Variants in LRRC4C observed in about 807,000 individuals in gnomAD.
LRRC4C encodes leucine-rich repeat-containing protein 4C.
Under a neutral mutation model 33.6 loss-of-function variants are expected in LRRC4C, and 5 were observed. The ratio of observed to expected loss-of-function variants is 0.15; its 90% CI spans 0.08 to 0.31. LRRC4C has a LOEUF of 0.31. Among genes scored for constraint, LRRC4C ranks in the 10% least tolerant of loss-of-function variants. LRRC4C has a pLI of 1.00. For missense variants in LRRC4C, 560 were observed against 796.7 expected (o/e 0.70, Z 3.58); for synonymous variants, 329 against 302.0 (o/e 1.09, Z -0.93).
chr11:40,339,338 A>T (rs1464960677), intron 3 of LRRC4C, among the ~76,000 whole-genome samples: 1 of 152,182 alleles, frequency 6.6e-6, no homozygotes, highest in Non-Finnish European at 1.5e-5. Context: ...GAATAAAAAA[A>T]CACCTCGAAC....
At chr11:40,659,845 C>A (rs745756970) in intron 2 of LRRC4C, among the ~76,000 whole-genome samples, 1 of 152,208 alleles carries the variant, frequency 6.6e-6, no homozygotes, top group Non-Finnish European at 1.5e-5. Context: ...ACCTTGCTCA[C>A]CCTCCAGTTG....
intron 1 of LRRC4C, among the ~76,000 whole-genome samples, chr11:41,125,959 G>A (rs1942716284): frequency 6.6e-6 from 1 of 151,838 alleles, no homozygotes; most frequent in Non-Finnish European, 1.5e-5. Context: ...CTATGTAATG[G>A]GCAGGTATAA....
rs541010546 is a variant in LRRC4C, at chr11:41,266,338, G to A, written c.-496+193093C>T. Among the ~76,000 whole-genome samples, 184 of 152,178 alleles carry A rather than the reference G, an allele frequency of 1.2e-3. 1 individual carries two copies. Among genetic ancestry groups the A allele is most frequent in the African/African-American group, 4.2e-3 (175 of 41,524 alleles). On this transcript the variant is annotated intron_variant, in intron 1 of 6. Transcript: ENST00000528697. ...CATTGCAAACCTTATCAAAACCTGC[G>A]AAATTTGAGAATAAGAAAAACACTT...
chr11:41,268,741 C>T (rs1448247345), intron 1 of LRRC4C, among the ~76,000 whole-genome samples: 1 of 151,634 alleles, frequency 6.6e-6, no homozygotes. Flanking sequence ...GTAGTTGATG[C>T]AATAGATGAT....
At position 41,357,594 on chromosome 11, in the gene LRRC4C, G is replaced by T. The variant is rs569654618; in HGVS notation, c.-496+101837C>A. 2.0e-5 allele frequency among the ~76,000 whole-genome samples: 3 copies of T among 152,024 alleles called. No individual in the cohort carries two copies. The South Asian group carries it at 6.3e-4, about 32-fold the overall frequency. ...TTTCTCTGTGGCCTACTTTCCTAAC[G>T]TCCTTGTTCTGGTGTTCCTTTTCCA... On this transcript the variant is annotated intron_variant, in intron 1 of 6. Transcript: ENST00000528697.
intron 3 of LRRC4C, among the ~76,000 whole-genome samples, chr11:40,483,882 A>G (rs1158071627): frequency 6.6e-6 from 1 of 151,912 alleles, no homozygotes; most frequent in Non-Finnish European, 1.5e-5. Flanking sequence ...ACTGATATTT[A>G]AAACAATAAT....
At chr11:40,301,881 C>T (rs1944790063) in intron 4 of LRRC4C, among the ~76,000 whole-genome samples, 1 of 152,150 alleles carries the variant, frequency 6.6e-6, no homozygotes, top group East Asian at 1.9e-4. Flanking sequence ...AAAAATGACT[C>T]TCTAAGGGTT....
At chr11:41,287,221 T>C (rs1949856009) in intron 1 of LRRC4C, among the ~76,000 whole-genome samples, 1 of 152,320 alleles carries the variant, frequency 6.6e-6, no homozygotes, top group African/African-American at 2.4e-5. Context: ...CTAAATAAGT[T>C]TGTCATGATC....
At chr11:40,696,252 G>T (rs1183708490) in intron 2 of LRRC4C, among the ~76,000 whole-genome samples, 1 of 116,760 alleles carries the variant, frequency 8.6e-6, no homozygotes, top group Non-Finnish European at 1.7e-5. Flanking sequence ...CTCTGGGGGT[G>T]AGGTATTATC....
chr11:41,326,348 C>A (rs1027635163), intron 1 of LRRC4C, among the ~76,000 whole-genome samples: 3 of 152,252 alleles, frequency 2.0e-5, no homozygotes, highest in Admixed American at 2.0e-4. Flanking sequence ...GAAGGCTGCA[C>A]TGTCAGCATC....
chr11:41,269,253 C>A (rs945463411), intron 1 of LRRC4C, among the ~76,000 whole-genome samples: 1 of 137,090 alleles, frequency 7.3e-6, no homozygotes, highest in African/African-American at 2.8e-5. Context: ...TGGGCAGTGT[C>A]AAAGAAGCAA....
chr11:40,225,829 G>T lies in LRRC4C; in HGVS notation c.-96+15690C>A, dbSNP rs150131481. On this transcript the variant is annotated intron_variant, in intron 5 of 6. Coordinates refer to ENST00000528697, the MANE Select transcript of LRRC4C (RefSeq NM_001258419.2). ...AGACAGGGTTTCACCATGTTAGTCA[G>T]GCAGGTCTCGAACTCCTGACCTCAG... Among the ~76,000 whole-genome samples the T allele has an allele frequency of 4.2e-3, 640 of 152,212 alleles. 1 individual carries two copies. The highest frequency in any genetic ancestry group is 6.5e-3 in the Non-Finnish European group (442 of 68,000).
At chr11:41,105,023 T>C (rs1941414102) in intron 1 of LRRC4C, among the ~76,000 whole-genome samples, 1 of 151,950 alleles carries the variant, frequency 6.6e-6, no homozygotes, top group Admixed American at 6.6e-5. Context: ...GACATATCAC[T>C]GTAAATTTAC....
At chr11:41,095,173 C>A (rs1244999328) in intron 1 of LRRC4C, among the ~76,000 whole-genome samples, 2 of 151,702 alleles carry the variant, frequency 1.3e-5, no homozygotes, top group Non-Finnish European at 2.9e-5. Flanking sequence ...GGGAAGCAGG[C>A]ACCTTCCTCA....
At chr11:41,136,478 A>G (rs979009506) in intron 1 of LRRC4C, among the ~76,000 whole-genome samples, 1 of 152,220 alleles carries the variant, frequency 6.6e-6, no homozygotes, top group Non-Finnish European at 1.5e-5. Flanking sequence ...TAAATCATAC[A>G]TCAAGAATGC....
intron 3 of LRRC4C, among the ~76,000 whole-genome samples, chr11:40,368,023 A>G (rs1948287706): frequency 1.3e-5 from 2 of 152,250 alleles, no homozygotes; most frequent in African/African-American, 4.8e-5. Context: ...CTTGGCAGCT[A>G]TATTTTTATT....
At chr11:41,435,851 C>G (rs1164774741) in intron 1 of LRRC4C, among the ~76,000 whole-genome samples, 3 of 152,192 alleles carry the variant, frequency 2.0e-5, no homozygotes, top group Admixed American at 2.0e-4. Context: ...TTATTTAACA[C>G]AAGACTTCTT....
At chr11:40,336,192 G>A (rs1946591554) in intron 3 of LRRC4C, among the ~76,000 whole-genome samples, 1 of 152,172 alleles carries the variant, frequency 6.6e-6, no homozygotes, top group Non-Finnish European at 1.5e-5. Flanking sequence ...AACTGTGACA[G>A]AACACAGGCA....
chr11:40,677,660 C>A (rs74669008), intron 2 of LRRC4C, among the ~76,000 whole-genome samples: 1 of 152,046 alleles, frequency 6.6e-6, no homozygotes, highest in African/African-American at 2.4e-5. Context: ...TTCTTAATAA[C>A]GAAACTGCCA....
Sources: allele counts gnomAD v4.1 joint callset (sites outside exome capture counted in the v4.1 genomes callset), GRCh38; gene constraint gnomAD v4.1.1; transcripts MANE v1.5; gene names NCBI Gene and HGNC (gene_info 2026-07-23, HGNC 2026-07-21).